The following MCHR2 variants were observed in gnomAD, a reference collection of about 807,000 sequenced individuals.
MCHR2 encodes melanin-concentrating hormone receptor 2.
In MCHR2, 15 loss-of-function variants were observed where a neutral mutation model predicts 24.8. The observed-to-expected ratio is 0.60, with a 90% confidence interval of 0.40 to 0.93. MCHR2 has a LOEUF of 0.93. Ranked by LOEUF, MCHR2 falls within the 40% of genes least tolerant of loss-of-function variation. The pLI, the probability that MCHR2 is intolerant of heterozygous loss-of-function variation, is 0.00. For missense variants in MCHR2, 386 were observed against 408.7 expected (o/e 0.94, Z 0.48); for synonymous variants, 151 against 147.6 (o/e 1.02, Z -0.17).
At chr6:99,925,439 A>G (rs1311811426) in intron 5 of MCHR2, among the ~76,000 whole-genome samples, 4 of 151,516 alleles carry the variant, frequency 2.6e-5, no homozygotes, top group Non-Finnish European at 5.9e-5. Context: ...GCCATTTTAA[A>G]ATTTGTTTTC....
Position 99,934,448 on chromosome 6 carries a change from T to G in MCHR2, c.657A>C (p.Leu219Phe). The G allele has an allele frequency of 6.2e-7, 1 of 1,605,240 alleles. No individual in the cohort carries two copies. Among genetic ancestry groups the G allele is most frequent in the Non-Finnish European group, 8.5e-7 (1 of 1,176,510 alleles). The stretch of plus-strand genomic sequence containing the variant: ...ACATCTCCCAAGTATAGCATAAAAT[T>G]AAAATATAGCACACCAAAATCAAGG... ...PLPLILVCYI[L>F]ILCYTWEMYQ... is the part of the protein sequence containing the mutation. Residue 219 changes from leucine (L) to phenylalanine (F), a missense_variant, in exon 5 of 6, where the codon TTA becomes TTC. Transcript: ENST00000281806.
rs182460817 is a variant in MCHR2, at chr6:99,971,872, T to G, written c.-27-15698A>C. Among the ~76,000 whole-genome samples, 24 of 152,358 alleles carry G rather than the reference T, an allele frequency of 1.6e-4. No individual in the cohort carries two copies. The East Asian group carries it at 4.6e-3, about 29-fold the overall frequency. On this transcript the variant is annotated intron_variant, in intron 1 of 5. Transcript: ENST00000281806. ...ATATGCTGGATTACATTTATTGATT[T>G]ATGTATGTTGAACCAGCCTTGCATC...
At chr6:99,942,826 T>G in intron 4 of MCHR2, 123 bp downstream of exon 4, 2 of 698,648 alleles carry the variant, frequency 2.9e-6, no homozygotes, top group African/African-American at 1.8e-5. Flanking sequence ...AGAAACCTAA[T>G]GGAGATACTG....
intron 1 of MCHR2, among the ~76,000 whole-genome samples, chr6:99,988,184 A>G (rs1582415853): frequency 6.6e-6 from 1 of 152,234 alleles, no homozygotes; most frequent in East Asian, 1.9e-4. Flanking sequence ...AGTGAAGTCC[A>G]TAGGGTAGAC....
intron 1 of MCHR2, among the ~76,000 whole-genome samples, chr6:99,974,364 C>T (rs1211432722): frequency 6.6e-6 from 1 of 152,206 alleles, no homozygotes; most frequent in Non-Finnish European, 1.5e-5. Flanking sequence ...GCTCCTGAGG[C>T]TTCTGCATTG....
chr6:99,922,058 G>A (rs1270019958), intron 5 of MCHR2, among the ~76,000 whole-genome samples: 4 of 151,180 alleles, frequency 2.6e-5, no homozygotes, highest in African/African-American at 9.7e-5. Context: ...CTAAATCTTG[G>A]CAATTTATAT....
chr6:99,935,007 C>T (rs766575596), intron 4 of MCHR2, among the ~76,000 whole-genome samples: 6 of 151,878 alleles, frequency 4.0e-5, no homozygotes, highest in Non-Finnish European at 7.4e-5. Context: ...AAAATTTGAA[C>T]CCAGGATAGC....
intron 5 of MCHR2, among the ~76,000 whole-genome samples, chr6:99,931,782 G>A (rs1774548755): frequency 6.6e-6 from 1 of 152,140 alleles, no homozygotes; most frequent in Non-Finnish European, 1.5e-5. Context: ...CTGACCCCTT[G>A]CGCTTCCCAA....
intron 4 of MCHR2, among the ~76,000 whole-genome samples, chr6:99,939,617 A>G (rs1441447644): frequency 1.3e-5 from 2 of 151,974 alleles, no homozygotes; most frequent in African/African-American, 4.8e-5. Context: ...ATACACCATA[A>G]TTACAGTATT....
chr6:99,939,872 G>GTT (rs34233035), intron 4 of MCHR2, among the ~76,000 whole-genome samples: 2 of 108,214 alleles, frequency 1.8e-5, no homozygotes, highest in East Asian at 6.4e-4. Flanking sequence ...GATGGCAGGT[G>GTT]TTTTTTTTTT....
chr6:99,947,894 G>C lies in MCHR2; in HGVS notation c.260C>G (p.Pro87Arg). 6.2e-6 allele frequency: 10 copies of C among 1,613,722 alleles called. No individual in the cohort carries two copies. The highest frequency in any genetic ancestry group is 8.5e-6 in the Non-Finnish European group (10 of 1,179,792). The change falls in exon 3 of 6, where the codon CCT (proline) becomes CGT (arginine). Residue 87 changes from proline to arginine, a missense_variant. Transcript: ENST00000281806. ...VADLVHIVGM[P>R]FLIHQWARGG... ...TCGGGCCCATTGGTGAATAAGAAAAGGCATTCCAACTATGTGGACCAAATC... is the reference window on the plus strand; with the variant it reads ...TCGGGCCCATTGGTGAATAAGAAAACGCATTCCAACTATGTGGACCAAATC...
intron 1 of MCHR2, among the ~76,000 whole-genome samples, chr6:99,971,521 C>T (rs1775419628): frequency 6.6e-6 from 1 of 152,194 alleles, no homozygotes; most frequent in African/African-American, 2.4e-5. Context: ...GACAATTTGA[C>T]TTCCTCTTTT....
chr6:99,931,572 G>C (rs561285690), intron 5 of MCHR2, among the ~76,000 whole-genome samples: 1 of 152,100 alleles, frequency 6.6e-6, no homozygotes, highest in Non-Finnish European at 1.5e-5. Flanking sequence ...CCTCGCTGCC[G>C]CCTTGCAGTT....
At chr6:99,933,329 A>G (rs1343336255) in intron 5 of MCHR2, among the ~76,000 whole-genome samples, 2 of 152,152 alleles carry the variant, frequency 1.3e-5, no homozygotes, top group African/African-American at 2.4e-5. Flanking sequence ...TCTGATTTGG[A>G]GAACTGTTTA....
chr6:99,966,039 A>G (rs758864572), intron 1 of MCHR2, among the ~76,000 whole-genome samples: 2 of 152,152 alleles, frequency 1.3e-5, no homozygotes, highest in Non-Finnish European at 2.9e-5. Context: ...CAGGCTAATG[A>G]AATCTCAGCC....
Position 99,926,881 on chromosome 6 carries a change from T to C in MCHR2, c.708-5626A>G, listed in dbSNP as rs1357333026. 5.9e-5 allele frequency among the ~76,000 whole-genome samples: 9 copies of C among 152,322 alleles called. 1 individual carries two copies. The highest frequency in any genetic ancestry group is 2.2e-4 in the African/African-American group (9 of 41,578). On this transcript the variant is annotated intron_variant, in intron 5 of 5. Transcript: ENST00000281806. The stretch of plus-strand genomic sequence containing the variant: ...CAATTTTGGCTTTTGTTGCCATTGC[T>C]TTTGGTGTTTTAGACATGAAGTCCT...
chr6:99,980,959 A>G (rs1562135267), intron 1 of MCHR2, among the ~76,000 whole-genome samples: 1 of 152,324 alleles, frequency 6.6e-6, no homozygotes, highest in East Asian at 1.9e-4. Flanking sequence ...GTTATTACAT[A>G]TTTGAGTGGA....
At chr6:99,969,248 G>A (rs113122864) in intron 1 of MCHR2, among the ~76,000 whole-genome samples, 2,906 of 152,130 alleles carry the variant, frequency 0.019, 58 homozygotes, top group African/African-American at 0.046. Flanking sequence ...GGCTGAGGCG[G>A]GAGGATCACG....
chr6:99,977,947 A>G (rs1383586353), intron 1 of MCHR2, among the ~76,000 whole-genome samples: 1 of 152,224 alleles, frequency 6.6e-6, no homozygotes, highest in Non-Finnish European at 1.5e-5. Flanking sequence ...ACTAGTACAA[A>G]CAATGTAAAT....
Sources: gnomAD v4.1 joint callset for allele counts (sites outside exome capture counted in the v4.1 genomes callset) on GRCh38, gnomAD v4.1.1 for gene constraint, MANE v1.5 for transcripts, NCBI Gene and HGNC (gene_info 2026-07-23, HGNC 2026-07-21) for gene names.